USP40: variants seen among roughly 807,000 people sequenced by gnomAD.
The protein encoded by USP40 is ubiquitin specific peptidase 40.
Under a neutral mutation model 166.2 loss-of-function variants are expected in USP40, and 143 were observed. The ratio of observed to expected loss-of-function variants is 0.86; its 90% CI spans 0.75 to 0.99. The LOEUF (loss-of-function observed/expected upper bound fraction) is 0.99, where lower values mean the gene tolerates loss of function less well. Ranked by LOEUF, USP40 falls within the 50% of genes least tolerant of loss-of-function variation. The pLI is 0.00. For synonymous variants in USP40, 498 were observed against 524.0 expected (o/e 0.95, Z 0.68); for missense variants, 1,444 against 1,479.7 (o/e 0.98, Z 0.40).
intron 21 of USP40, among the ~76,000 whole-genome samples, chr2:233,509,397 A>C (rs918378144): frequency 6.6e-6 from 1 of 152,236 alleles, no homozygotes; most frequent in South Asian, 2.1e-4. Flanking sequence ...TATAAATACT[A>C]GAAAAAATAT....
chr2:233,518,370 C>T (rs765085393), intron 18 of USP40, among the ~76,000 whole-genome samples: 91 of 149,956 alleles, frequency 6.1e-4, no homozygotes, highest in Non-Finnish European at 1.1e-3. Context: ...AGTTTGAGAC[C>T]AGCCTGGCCA....
At chr2:233,478,084 C>G (rs963715208) in intron 31 of USP40, among the ~76,000 whole-genome samples, 1 of 152,288 alleles carries the variant, frequency 6.6e-6, no homozygotes, top group Non-Finnish European at 1.5e-5. Context: ...CTCCGCGGCC[C>G]ACCCGCCATC....
Position 233,486,842 on chromosome 2 carries a change from T to C in USP40, c.3198-865A>G, listed in dbSNP as rs933214802. On this transcript the variant is annotated intron_variant, in intron 28 of 31. Coordinates refer to ENST00000678225, the MANE Select transcript of USP40 (RefSeq NM_001365479.2). The surrounding 1 kb of genome is among the most constrained non-coding windows in gnomAD (Gnocchi z 4.0). ...GGGGAGGGGGCTGCTGGCCAGGGAG[T>C]GAGGCCAAGGCCTGGAGCCCAGCAC... Among the ~76,000 whole-genome samples, 1 of 151,482 alleles carries C rather than the reference T, an allele frequency of 6.6e-6. No homozygotes were observed. The highest frequency in any genetic ancestry group is 1.5e-5 in the Non-Finnish European group (1 of 67,902).
In USP40 at chr2:233,477,210, C is replaced by T. The variant is rs779699893; in HGVS notation, c.*182G>A. The T allele has an allele frequency of 1.3e-5, 8 of 630,024 alleles. No individual in the cohort carries two copies. Among genetic ancestry groups the T allele is most frequent in the African/African-American group, 3.6e-5 (2 of 55,190 alleles). 39.0% of individuals were successfully genotyped at this position (630,024 alleles called of 1,614,324 possible). On this transcript the variant is annotated 3_prime_UTR_variant, in exon 32 of 32. Transcript: ENST00000678225. ...GCTGCACCAGCCCCCGTGGCTGCCA[C>T]GTGTTGCAGAGCTAAGTGACTACAT... is the stretch of plus-strand genomic sequence containing the variant.
Position 233,485,853 on chromosome 2 carries a change from C to CA in USP40, c.3321dup (p.Ala1108CysfsTer12), listed in dbSNP as rs1485207077. 6.2e-7 allele frequency: 1 copy of CA among 1,610,042 alleles called. No homozygotes were observed. Among genetic ancestry groups the CA allele is most frequent in the Non-Finnish European group, 8.5e-7 (1 of 1,178,498 alleles). On this transcript the variant is annotated frameshift_variant, in exon 29 of 32. Transcript: ENST00000678225. LOFTEE classifies it high-confidence loss of function. ...TCCACGGGAAGACGATAGAAATCGG[C>CA]AACTCTCTGCCTCAGGGAGCCGGCA... is the stretch of plus-strand genomic sequence containing the variant.
chr2:233,507,437 G>T (rs1423487919), intron 21 of USP40, among the ~76,000 whole-genome samples: 1 of 152,058 alleles, frequency 6.6e-6, no homozygotes, highest in African/African-American at 2.4e-5. Context: ...ATCCAACAGT[G>T]GATGAATAGG....
chr2:233,544,624 CCTATCACTCAGGAA>C (rs1237679753), intron 8 of USP40, among the ~76,000 whole-genome samples: 1 of 152,150 alleles, frequency 6.6e-6, no homozygotes, highest in Non-Finnish European at 1.5e-5. Context: ...AAAAGACACT[CCTATCACTCAGGAA>C]GTTCCAAGGA....
chr2:233,478,603 A>G (rs1236350195), intron 31 of USP40, among the ~76,000 whole-genome samples: 3 of 152,234 alleles, frequency 2.0e-5, no homozygotes, highest in Non-Finnish European at 4.4e-5. Context: ...CTACAGATAT[A>G]TCCACATCTG....
rs866455326 is a variant in USP40, at chr2:233,545,803, T to G, written c.966+3298A>C. The stretch of plus-strand genomic sequence containing the variant: ...AACTGTAAGTGGAAAGAACACTACC[T>G]GGCTACGATTAGAATATTTGGGACC... On this transcript the variant is annotated intron_variant, in intron 8 of 31. Transcript: ENST00000678225. The G allele has an allele frequency of 6.3e-5, 13 of 207,590 alleles. 1 individual carries two copies. In the Middle Eastern group the frequency reaches 8.2e-3, roughly 131 times the overall value. The allele number at this position is 207,590 out of a possible 1,614,324, so 12.9% of individuals were successfully genotyped here.
intron 11 of USP40, among the ~76,000 whole-genome samples, chr2:233,531,388 T>C (rs2068513135): frequency 6.6e-6 from 1 of 152,178 alleles, no homozygotes; most frequent in Non-Finnish European, 1.5e-5. Flanking sequence ...ATCCCTTCAT[T>C]CCCAAAAAAG....
At chr2:233,520,121 C>T (rs1326036552) in intron 17 of USP40, among the ~76,000 whole-genome samples, 1 of 152,242 alleles carries the variant, frequency 6.6e-6, no homozygotes, top group East Asian at 1.9e-4. Context: ...TTTAAAATTT[C>T]TGTTTAAATG....
chr2:233,489,323 A>G (rs2065152721), intron 27 of USP40, 42 bp downstream of exon 27: 2 of 1,517,312 alleles, frequency 1.3e-6, no homozygotes, highest in Non-Finnish European at 1.8e-6. Flanking sequence ...CCAGTGCGTC[A>G]GCAGCAGAGA....
intron 19 of USP40, 103 bp from the exon 20 acceptor site, chr2:233,511,900 AAAG>A: frequency 1.0e-6 from 1 of 965,058 alleles, no homozygotes; most frequent in Non-Finnish European, 1.5e-6. Context: ...GAATATCAAG[AAAG>A]AAGAAAAATG....
rs1165552967 is a variant in USP40 at position 233,493,544 on chromosome 2, A to G, written c.2798T>C (p.Leu933Pro). The G allele has an allele frequency of 3.7e-6, 6 of 1,611,932 alleles. No homozygotes were observed. The South Asian group carries it at 6.6e-5, about 18-fold the overall frequency. Residue 933 changes from leucine (L) to proline (P), a missense_variant, in exon 25 of 32, where the codon CTG becomes CCG. Leu to Pro is a moderately conservative substitution (Grantham distance 98, BLOSUM62 -3). Transcript: ENST00000678225. This position sits in a 1 kb window ranked among gnomAD's most constrained non-coding sequence, Gnocchi z 4.7. ...CTGGTACCACCAGATGGGCACCTTC[A>G]GGAAACCCTGAAGAATGGAGCATGT... Reference protein sequence around the residue: ...IEGQLPPLGFLKVPIWWYQLQ... With the variant: ...IEGQLPPLGFPKVPIWWYQLQ...
In USP40 at chr2:233,511,811, T is replaced by G; in HGVS notation, c.2438-14A>C. The G allele has an allele frequency of 1.9e-6, 3 of 1,583,592 alleles. No homozygotes were observed. The highest frequency in any genetic ancestry group is 2.6e-6 in the Non-Finnish European group (3 of 1,162,128). Reference sequence around the variant, plus strand: ...AGCTGTCCGGCACTTAAAAAAATTTTGATAATATGATGAAGGTTATTAATT... The same window carrying G: ...AGCTGTCCGGCACTTAAAAAAATTTGGATAATATGATGAAGGTTATTAATT... On this transcript the variant is annotated splice_polypyrimidine_tract_variant and intron_variant, in intron 19 of 31. Coordinates refer to ENST00000678225, the MANE Select transcript of USP40 (RefSeq NM_001365479.2).
At chr2:233,502,819 A>C (rs2066169159) in intron 21 of USP40, among the ~76,000 whole-genome samples, 2 of 152,132 alleles carry the variant, frequency 1.3e-5, no homozygotes, top group Admixed American at 1.3e-4. Context: ...CCCACCAAGA[A>C]CCAAAGCCAA....
intron 10 of USP40, among the ~76,000 whole-genome samples, chr2:233,535,614 C>T (rs1262530836): frequency 6.6e-6 from 1 of 152,128 alleles, no homozygotes; most frequent in East Asian, 1.9e-4. Flanking sequence ...AATTTAACTT[C>T]CACAGAATCT....
chr2:233,527,864 A>G (rs994862015), intron 12 of USP40, among the ~76,000 whole-genome samples: 9 of 6,914 alleles, frequency 1.3e-3, no homozygotes, highest in African/African-American at 4.5e-3. Context: ...CTGAGATTAT[A>G]TTATAGTTAT....
Position 233,499,932 on chromosome 2 carries a change from T to C in USP40, c.2614-17A>G, listed in dbSNP as rs1462584253. ...CTTTAAACACTGTAAAGAAAAACAA[T>C]GTCCAATGTTAGTTTTCTGTTTCTG... On this transcript the variant is annotated splice_polypyrimidine_tract_variant and intron_variant, in intron 21 of 31. Coordinates refer to ENST00000678225, the MANE Select transcript of USP40 (RefSeq NM_001365479.2). 4 of 1,609,594 alleles carry C rather than the reference T, an allele frequency of 2.5e-6. No homozygotes were observed. Among genetic ancestry groups the C allele is most frequent in the African/African-American group, 1.3e-5 (1 of 74,780 alleles).
Sources: allele counts gnomAD v4.1 joint callset (sites outside exome capture counted in the v4.1 genomes callset), GRCh38; gene constraint gnomAD v4.1.1; non-coding constraint Gnocchi (gnomAD v3.1); transcripts MANE v1.5; gene names NCBI Gene and HGNC (gene_info 2026-07-23, HGNC 2026-07-21).